The following RANBP17 variants were observed in gnomAD, a reference collection of about 807,000 sequenced individuals.
The protein encoded by RANBP17 is ran-binding protein 17.
RANBP17 carries 158 observed loss-of-function variants against 141.2 expected under a neutral mutation model. The ratio of observed to expected loss-of-function variants is 1.12; its 90% confidence interval spans 0.98 to 1.28. RANBP17 has a LOEUF of 1.28. Among genes scored for constraint, RANBP17 ranks in the 50% most tolerant of loss-of-function variants. The pLI is 0.00. For missense variants in RANBP17, 1,438 were observed against 1,290.7 expected (o/e 1.11, Z -1.75); for synonymous variants, 430 against 450.0 (o/e 0.96, Z 0.56).
At chr5:171,061,661 T>C (rs887482478) in intron 14 of RANBP17, among the ~76,000 whole-genome samples, 1 of 152,218 alleles carries the variant, frequency 6.6e-6, no homozygotes, top group African/African-American at 2.4e-5. Flanking sequence ...TGGAGAGTTC[T>C]GTAGGTGTCT....
At chr5:171,054,871 G>C (rs1161768363) in intron 14 of RANBP17, among the ~76,000 whole-genome samples, 1 of 152,132 alleles carries the variant, frequency 6.6e-6, no homozygotes, top group Non-Finnish European at 1.5e-5. Context: ...GCTGAAAACA[G>C]GTGATGATAT....
At chr5:171,009,037 G>A (rs1458850540) in intron 14 of RANBP17, among the ~76,000 whole-genome samples, 1 of 152,146 alleles carries the variant, frequency 6.6e-6, no homozygotes, top group African/African-American at 2.4e-5. Flanking sequence ...TCATTTCAAT[G>A]CCATGGCTTG....
chr5:170,886,992 TC>T (rs1769222232), intron 3 of RANBP17, among the ~76,000 whole-genome samples: 2 of 152,016 alleles, frequency 1.3e-5, no homozygotes, highest in Admixed American at 1.3e-4. Flanking sequence ...TTGTCATAAG[TC>T]TCCAAAAATT....
Position 171,144,918 on chromosome 5 carries a change from G to A in RANBP17, c.1711-25212G>A, listed in dbSNP as rs149368732. Among the ~76,000 whole-genome samples the A allele has an allele frequency of 3.6e-3, 546 of 152,298 alleles. 1 individual carries two copies. The highest frequency in any genetic ancestry group is 0.013 in the African/African-American group (520 of 41,552). Reference sequence around the variant, plus strand: ...CTATTTCTCTTGAGTATTCTCGCTTGTGATGGATTTTGGCTCCAGGCATAA... The same window carrying A: ...CTATTTCTCTTGAGTATTCTCGCTTATGATGGATTTTGGCTCCAGGCATAA... On this transcript the variant is annotated intron_variant, in intron 14 of 27. Coordinates refer to ENST00000523189, the MANE Select transcript of RANBP17 (RefSeq NM_022897.5).
At chr5:171,154,948 G>A (rs1206449326) in intron 14 of RANBP17, among the ~76,000 whole-genome samples, 1 of 151,316 alleles carries the variant, frequency 6.6e-6, no homozygotes, top group Non-Finnish European at 1.5e-5. Flanking sequence ...ATGGTGGCGG[G>A]GCACCTGTAA....
At chr5:170,878,047 T>TA (rs779476350) in intron 1 of RANBP17, 50 bp from the exon 2 acceptor site, 1 of 1,362,982 alleles carries the variant, frequency 7.3e-7, no homozygotes, top group East Asian at 2.4e-5. Context: ...GTTAAATATT[T>TA]ACCTCATTTT....
intron 14 of RANBP17, among the ~76,000 whole-genome samples, chr5:171,154,260 G>A (rs1758699558): frequency 6.6e-6 from 1 of 152,052 alleles, no homozygotes; most frequent in Non-Finnish European, 1.5e-5. Context: ...TAGGTGCCAA[G>A]ATTATTTTAT....
chr5:171,161,993 C>T (rs1759381650), intron 14 of RANBP17, among the ~76,000 whole-genome samples: 1 of 152,214 alleles, frequency 6.6e-6, no homozygotes, highest in African/African-American at 2.4e-5. Flanking sequence ...ATTTAATCGT[C>T]ATCTTATAAA....
rs371097034 is a variant in RANBP17 at position 170,924,563 on chromosome 5, T to C, written c.1468+13T>C. The C allele has an allele frequency of 5.9e-6, 9 of 1,523,440 alleles. No individual in the cohort carries two copies. The highest frequency in any genetic ancestry group is 8.2e-6 in the Non-Finnish European group (9 of 1,102,012). The allele number at this position is 1,523,440 out of a possible 1,614,324, so 94.4% of individuals were successfully genotyped here. On this transcript the variant is annotated intron_variant, in intron 12 of 27. Transcript: ENST00000523189. The stretch of plus-strand genomic sequence containing the variant: ...ACCATTCAGGAAGGTCAGTAAACTT[T>C]ATATGACTACTGAGTATTATGTTGA...
At chr5:170,890,479 A>G (rs1293448645) in intron 3 of RANBP17, among the ~76,000 whole-genome samples, 1 of 152,118 alleles carries the variant, frequency 6.6e-6, no homozygotes, top group East Asian at 1.9e-4. Flanking sequence ...TAATAGTTAC[A>G]AGAACTTTTT....
chr5:170,963,993 T>G (rs1776335730), intron 13 of RANBP17, among the ~76,000 whole-genome samples: 1 of 152,224 alleles, frequency 6.6e-6, no homozygotes, highest in Non-Finnish European at 1.5e-5. Flanking sequence ...TGGAAAATTT[T>G]TAACCTCGCC....
intron 25 of RANBP17, among the ~76,000 whole-genome samples, chr5:171,273,985 C>G (rs1313621031): frequency 2.6e-5 from 4 of 152,138 alleles, no homozygotes; most frequent in Non-Finnish European, 5.9e-5. Flanking sequence ...TTTTGGGTTA[C>G]ATCTTTGCAC....
At chr5:170,968,823 G>T in intron 14 of RANBP17, 1 of 408,698 alleles carries the variant, frequency 2.4e-6, no homozygotes, top group South Asian at 1.9e-5. Context: ...TTAGGAGACT[G>T]CATATAACCT....
At chr5:170,929,862 T>A (rs552277885) in intron 12 of RANBP17, among the ~76,000 whole-genome samples, 1 of 152,302 alleles carries the variant, frequency 6.6e-6, no homozygotes, top group South Asian at 2.1e-4. Flanking sequence ...TGTGAATTCA[T>A]TTTCTTTAAT....
Position 170,968,252 on chromosome 5 carries a change from C to T in RANBP17, c.1585C>T (p.Leu529Phe). The T allele has an allele frequency of 6.4e-7, 1 of 1,570,804 alleles. No homozygotes were observed. Among genetic ancestry groups the T allele is most frequent in the Non-Finnish European group, 8.6e-7 (1 of 1,166,524 alleles). The change falls in exon 14 of 28, where the codon CTT (leucine) becomes TTT (phenylalanine). Residue 529 changes from leucine to phenylalanine, a missense_variant. Physicochemically the swap from Leu to Phe is conservative, Grantham distance 22. Coordinates refer to ENST00000523189, the MANE Select transcript of RANBP17 (RefSeq NM_022897.5). Reference protein sequence around the residue: ...DGELSCRVFQLISLMDTGLPR... With the variant: ...DGELSCRVFQFISLMDTGLPR... ...TTTCCCTTCATGAAGAGTTTTTCAG[C>T]TTATATCTTTAATGGATACCGGATT...
chr5:171,145,030 G>C (rs1757945720), intron 14 of RANBP17, among the ~76,000 whole-genome samples: 1 of 152,190 alleles, frequency 6.6e-6, no homozygotes, highest in Admixed American at 6.5e-5. Flanking sequence ...AATTATTTGT[G>C]TGATGCTTGC....
At chr5:171,259,010 A>T (rs1766109772) in intron 24 of RANBP17, among the ~76,000 whole-genome samples, 1 of 152,218 alleles carries the variant, frequency 6.6e-6, no homozygotes, top group Admixed American at 6.5e-5. Flanking sequence ...TATATAAGGA[A>T]CTCAATTAAT....
At chr5:171,217,371 A>AT (rs1410565024) in intron 21 of RANBP17, among the ~76,000 whole-genome samples, 2 of 151,692 alleles carry the variant, frequency 1.3e-5, no homozygotes, top group African/African-American at 4.8e-5. Flanking sequence ...CTGAAATTTT[A>AT]TTTTTTTGTT....
intron 14 of RANBP17, among the ~76,000 whole-genome samples, chr5:170,985,041 GCACACACAGA>G (rs372631149): frequency 0.027 from 4,012 of 150,066 alleles, 159 homozygotes; most frequent in African/African-American, 0.092. Context: ...AGACACACAG[GCACACACAGA>G]CACACACAGA....
Sources: allele counts gnomAD v4.1 joint callset (sites outside exome capture counted in the v4.1 genomes callset), GRCh38; gene constraint gnomAD v4.1.1; transcripts MANE v1.5; gene names NCBI Gene and HGNC (gene_info 2026-07-23, HGNC 2026-07-21).